The following CD2AP variants were observed in gnomAD, a reference collection of about 807,000 sequenced individuals.
CD2AP encodes the protein CD2 associated protein.
In CD2AP, 46 loss-of-function variants were observed where a neutral mutation model predicts 85.1. That is an observed-to-expected ratio of 0.54 (90% CI 0.43 to 0.69). CD2AP has a LOEUF of 0.69. Among genes scored for constraint, CD2AP ranks in the 30% least tolerant of loss-of-function variants. The pLI is 0.00. For synonymous variants in CD2AP, 255 were observed against 252.9 expected, an observed-to-expected ratio of 1.01 and a Z score of -0.08; for missense variants, 769 against 729.5, an observed-to-expected ratio of 1.05 and a Z score of -0.62.
rs187919234 is a variant in CD2AP, at chr6:47,596,453, C to T, written c.1274+427C>T. On this transcript the variant is annotated intron_variant, in intron 12 of 17. Coordinates refer to ENST00000359314, the MANE Select transcript of CD2AP (RefSeq NM_012120.3). ...AACCACTTCAGGCTCTGGTAATCAC[C>T]ATTCTACTCTATTTCTATGGGATCA... Among the ~76,000 whole-genome samples, 182 of 152,182 alleles carry T rather than the reference C, an allele frequency of 1.2e-3. 2 individuals are homozygous for T. Among genetic ancestry groups the T allele is most frequent in the Non-Finnish European group, 8.1e-4 (55 of 67,974 alleles).
chr6:47,514,272 T>C (rs1257227462), intron 2 of CD2AP, among the ~76,000 whole-genome samples: 1 of 152,212 alleles, frequency 6.6e-6, no homozygotes, highest in Non-Finnish European at 1.5e-5. Flanking sequence ...GTCTACTTCA[T>C]TGATCTTTTT....
At chr6:47,583,829 C>T (rs544178640) in intron 11 of CD2AP, among the ~76,000 whole-genome samples, 1 of 152,134 alleles carries the variant, frequency 6.6e-6, no homozygotes, top group Non-Finnish European at 1.5e-5. Context: ...GTTTTGTAGG[C>T]GCAACTGCCA....
chr6:47,516,295 T>C (rs1766451378), intron 2 of CD2AP, among the ~76,000 whole-genome samples: 1 of 152,192 alleles, frequency 6.6e-6, no homozygotes, highest in African/African-American at 2.4e-5. Context: ...TCATTGTCAA[T>C]TTGTGCTTTT....
At chr6:47,601,380 G>A (rs1769126707) in intron 13 of CD2AP, among the ~76,000 whole-genome samples, 1 of 151,914 alleles carries the variant, frequency 6.6e-6, no homozygotes, top group South Asian at 2.1e-4. Flanking sequence ...CTACTTTCAG[G>A]CTGCTGTTCT....
At chr6:47,559,270 T>G (rs913659016) in intron 5 of CD2AP, among the ~76,000 whole-genome samples, 75 of 151,654 alleles carry the variant, frequency 4.9e-4, no homozygotes, top group Middle Eastern at 3.4e-3. Context: ...TTTTTTTTTT[T>G]TTTTTAACAG....
At chr6:47,535,321 G>A (rs925642046) in intron 3 of CD2AP, among the ~76,000 whole-genome samples, 8 of 152,152 alleles carry the variant, frequency 5.3e-5, no homozygotes, top group Non-Finnish European at 1.2e-4. Context: ...AAATTATGGT[G>A]TATAAATCCC....
chr6:47,618,306 C>T (rs1274157325), intron 17 of CD2AP, among the ~76,000 whole-genome samples: 1 of 151,872 alleles, frequency 6.6e-6, no homozygotes, highest in Non-Finnish European at 1.5e-5. Flanking sequence ...GGTGACAGAA[C>T]GAGACTGTCT....
intron 5 of CD2AP, 103 bp from the exon 6 acceptor site, chr6:47,573,961 A>G: frequency 9.9e-7 from 1 of 1,005,730 alleles, no homozygotes; most frequent in Non-Finnish European, 1.6e-6. Context: ...TTTTTTTTCT[A>G]CTGTGTTTTA....
At chr6:47,499,975 C>T (rs181513905) in intron 1 of CD2AP, among the ~76,000 whole-genome samples, 1 of 152,216 alleles carries the variant, frequency 6.6e-6, no homozygotes, top group East Asian at 1.9e-4. Context: ...GTGATCCACC[C>T]ACCTCAGCCT....
In CD2AP at chr6:47,554,328, T is replaced by G. The variant is rs149689745; in HGVS notation, c.421-318T>G. On this transcript the variant is annotated intron_variant, in intron 4 of 17. Transcript: ENST00000359314. ...TACAAGAGTGACATTCCAGAAGCTA[T>G]GTACTTCTTGCTGTTAATACAGTAT... Among the ~76,000 whole-genome samples the G allele has an allele frequency of 7.9e-5, 12 of 152,344 alleles. No individual in the cohort carries two copies. In the East Asian group the frequency reaches 2.3e-3, roughly 29 times the overall value.
chr6:47,619,858 T>C (rs996436996), intron 17 of CD2AP, among the ~76,000 whole-genome samples: 2 of 152,256 alleles, frequency 1.3e-5, no homozygotes, highest in African/African-American at 4.8e-5. Flanking sequence ...GTTGGCCATT[T>C]GCACATCTTC....
chr6:47,542,263 A>T (rs1767233704), intron 3 of CD2AP, among the ~76,000 whole-genome samples: 1 of 152,154 alleles, frequency 6.6e-6, no homozygotes, highest in Non-Finnish European at 1.5e-5. Flanking sequence ...TATTAAGAAA[A>T]ATCTTGTTAG....
chr6:47,589,031 A>AT (rs1376200288), intron 11 of CD2AP, among the ~76,000 whole-genome samples: 2 of 152,122 alleles, frequency 1.3e-5, no homozygotes, highest in African/African-American at 4.8e-5. Flanking sequence ...AGGATCTATC[A>AT]TAAGGAATGC....
At chr6:47,544,808 GTCACTTTTT>G in intron 4 of CD2AP, 102 bp downstream of exon 4, 1 of 741,594 alleles carries the variant, frequency 1.3e-6, no homozygotes, top group Admixed American at 2.2e-5. Flanking sequence ...GAGAACTGTT[GTCACTTTTT>G]AAAAAAAATG....
chr6:47,519,320 C>T lies in CD2AP; in HGVS notation c.166-14282C>T, dbSNP rs377765626. Among the ~76,000 whole-genome samples, 7 of 152,012 alleles carry T rather than the reference C, an allele frequency of 4.6e-5. No individual in the cohort carries two copies. The East Asian group carries it at 1.2e-3, about 25-fold the overall frequency. On this transcript the variant is annotated intron_variant, in intron 2 of 17. Coordinates refer to ENST00000359314, the MANE Select transcript of CD2AP (RefSeq NM_012120.3). ...TGCAGAGTAGATAAGGAATGAATTC[C>T]CTTTGAGAAGGAACCCTGAAATTAG...
chr6:47,573,324 T>A (rs1206477232), intron 5 of CD2AP, among the ~76,000 whole-genome samples: 1 of 152,136 alleles, frequency 6.6e-6, no homozygotes, highest in Non-Finnish European at 1.5e-5. Flanking sequence ...TTGACCTTTT[T>A]AAAATAAACA....
intron 2 of CD2AP, among the ~76,000 whole-genome samples, chr6:47,516,294 A>G (rs1028481144): frequency 6.6e-6 from 1 of 152,178 alleles, no homozygotes; most frequent in African/African-American, 2.4e-5. Flanking sequence ...GTCATTGTCA[A>G]TTTGTGCTTT....
At chr6:47,534,916 TACTGA>T (rs68106066) in intron 3 of CD2AP, among the ~76,000 whole-genome samples, 50,223 of 151,336 alleles carry the variant, frequency 0.33, 9,131 homozygotes, top group Middle Eastern at 0.51. Context: ...CATTTCAGGC[TACTGA>T]GTAGCTGTGA....
At chr6:47,622,357 G>C (rs1769771031) in intron 17 of CD2AP, among the ~76,000 whole-genome samples, 1 of 152,176 alleles carries the variant, frequency 6.6e-6, no homozygotes, top group African/African-American at 2.4e-5. Context: ...TGGCCTGGAG[G>C]TCTCTCGCCC....
Sources: gnomAD v4.1 joint callset for allele counts (sites outside exome capture counted in the v4.1 genomes callset) on GRCh38, gnomAD v4.1.1 for gene constraint, MANE v1.5 for transcripts, NCBI Gene and HGNC (gene_info 2026-07-23, HGNC 2026-07-21) for gene names.